The following RAP1GAP variants were observed in gnomAD, a reference collection of about 807,000 sequenced individuals.
RAP1GAP encodes RAP1 GTPase activating protein, also known as rap1 GTPase-activating protein 1.
RAP1GAP carries 35 observed loss-of-function variants against 87.2 expected under a neutral mutation model. That is an observed-to-expected ratio of 0.40 (90% CI 0.31 to 0.53). The LOEUF (loss-of-function observed/expected upper bound fraction) is 0.53. RAP1GAP is among the 20% of genes least tolerant of loss of function. The pLI is 0.48. For synonymous variants in RAP1GAP, 375 were observed against 363.9 expected (o/e 1.03, Z -0.35); for missense variants, 734 against 898.9 (o/e 0.82, Z 2.35).
Position 21,616,172 on chromosome 1 carries a change from CACACA to C in RAP1GAP, c.291+1129_291+1133del, listed in dbSNP as rs1558698308. Among the ~76,000 whole-genome samples, 7 of 74,438 alleles carry C rather than the reference CACACA, an allele frequency of 9.4e-5. 1 individual carries two copies. Among genetic ancestry groups the C allele is most frequent in the African/African-American group, 3.3e-4 (7 of 21,320 alleles). The allele number at this position is 74,438 out of a possible 152,430, so 48.8% of individuals were successfully genotyped here. A position where few individuals can be genotyped will look rare whatever the true frequency, so the allele number is the denominator to read the frequency against. ...ACACACACACACACACACACACACA[CACACA>C]CACACACACACACATACAATGACTA... is the stretch of plus-strand genomic sequence containing the variant. On this transcript the variant is annotated intron_variant, in intron 7 of 24. Transcript: ENST00000374765.
At chr1:21,631,460 T>C (rs1448849627) in intron 2 of RAP1GAP, among the ~76,000 whole-genome samples, 2 of 152,050 alleles carry the variant, frequency 1.3e-5, no homozygotes, top group African/African-American at 2.4e-5. Flanking sequence ...CTGAGGCGGG[T>C]GGATCGCCTG....
intron 1 of RAP1GAP, chr1:21,651,670 A>G: frequency 8.9e-7 from 1 of 1,117,848 alleles, no homozygotes; most frequent in East Asian, 2.8e-5. Flanking sequence ...CAGCAGTCAT[A>G]GCCCAGGCCC....
Position 21,602,932 on chromosome 1 carries a change from A to C in RAP1GAP, c.1429-19T>G. On this transcript the variant is annotated intron_variant, in intron 18 of 24. Coordinates refer to ENST00000374765, the MANE Select transcript of RAP1GAP (RefSeq NM_002885.4). ...TCAGTGACTGTGGGGAGAGGCCCCAACTCAGTGCCACCTTACCTGGGAGCC... is the reference window on the plus strand; with the variant it reads ...TCAGTGACTGTGGGGAGAGGCCCCACCTCAGTGCCACCTTACCTGGGAGCC... 2 of 1,573,302 alleles carry C rather than the reference A, an allele frequency of 1.3e-6. No individual in the cohort carries two copies. The highest frequency in any genetic ancestry group is 1.7e-6 in the Non-Finnish European group (2 of 1,151,010).
chr1:21,608,354 TGGGCCAGGCCCGGGCCGTCAGGA>T lies in RAP1GAP; in HGVS notation c.1159-27_1159-5del. The stretch of plus-strand genomic sequence containing the variant: ...GGAGGGCGGCCCGCGTCCGCTCCTG[TGGGCCAGGCCCGGGCCGTCAGGA>T]GGGACCCCAAGGATCAGCCCTTCGG... On this transcript the variant is annotated splice_polypyrimidine_tract_variant and splice_region_variant and intron_variant, in intron 16 of 24. Transcript: ENST00000374765. The T allele has an allele frequency of 6.2e-7, 1 of 1,612,256 alleles. No homozygotes were observed. Among genetic ancestry groups the T allele is most frequent in the Non-Finnish European group, 8.5e-7 (1 of 1,179,346 alleles).
At chr1:21,621,891 A>G (rs1383504695) in intron 3 of RAP1GAP, among the ~76,000 whole-genome samples, 1 of 152,194 alleles carries the variant, frequency 6.6e-6, no homozygotes, top group Non-Finnish European at 1.5e-5. Flanking sequence ...CAGAGTGTAC[A>G]CACAGCAACA....
intron 17 of RAP1GAP, among the ~76,000 whole-genome samples, chr1:21,606,457 C>T (rs562033293): frequency 7.9e-5 from 12 of 152,314 alleles, no homozygotes; most frequent in African/African-American, 2.6e-4. Flanking sequence ...ACCAACTTGC[C>T]GGGTGGCCTT....
chr1:21,612,190 G>T, intron 10 of RAP1GAP, 81 bp from the exon 11 acceptor site: 1 of 1,099,150 alleles, frequency 9.1e-7, no homozygotes, highest in Non-Finnish European at 1.3e-6. Context: ...CAAGCACTGA[G>T]CCAGGCGCTC....
intron 13 of RAP1GAP, among the ~76,000 whole-genome samples, chr1:21,610,937 C>T (rs1235784566): frequency 6.6e-6 from 1 of 152,224 alleles, no homozygotes; most frequent in African/African-American, 2.4e-5. Context: ...CTGTAGGAGG[C>T]TCAGGACAAG....
chr1:21,647,770 C>A (rs1212279879), intron 2 of RAP1GAP, among the ~76,000 whole-genome samples: 1 of 152,170 alleles, frequency 6.6e-6, no homozygotes, highest in Admixed American at 6.5e-5. Context: ...GCAGAGGAGG[C>A]ATTCTAAAGA....
intron 2 of RAP1GAP, among the ~76,000 whole-genome samples, chr1:21,639,787 A>C (rs919465082): frequency 1.3e-5 from 2 of 152,104 alleles, no homozygotes; most frequent in Non-Finnish European, 2.9e-5. Context: ...AGCGTCTGAC[A>C]CTTTTCCTGG....
At chr1:21,633,769 A>G (rs190429906) in intron 2 of RAP1GAP, among the ~76,000 whole-genome samples, 1 of 152,300 alleles carries the variant, frequency 6.6e-6, no homozygotes, top group Admixed American at 6.5e-5. Flanking sequence ...ACTGGTCATC[A>G]GAAGTCAGGA....
chr1:21,611,351 C>T (rs2078140207), intron 13 of RAP1GAP, 101 bp downstream of exon 13: 1 of 1,443,316 alleles, frequency 6.9e-7, no homozygotes, highest in African/African-American at 1.4e-5. Flanking sequence ...CCATCTCCAT[C>T]CCAGGGCCCA....
Position 21,652,284 on chromosome 1 carries a change from C to A in RAP1GAP, c.-148-2488G>T, listed in dbSNP as rs956883120. Reference sequence around the variant, plus strand: ...CGGGCATGTCCCGCCCCTCCCTGTCCCTCGACTTTCTCATCTGTAAAGTGG... The same window carrying A: ...CGGGCATGTCCCGCCCCTCCCTGTCACTCGACTTTCTCATCTGTAAAGTGG... On this transcript the variant is annotated intron_variant, in intron 1 of 24. Coordinates refer to ENST00000374765, the MANE Select transcript of RAP1GAP (RefSeq NM_002885.4). Among the ~76,000 whole-genome samples the A allele has an allele frequency of 2.6e-5, 4 of 152,326 alleles. No homozygotes were observed. In the East Asian group the frequency reaches 7.7e-4, roughly 29 times the overall value.
At chr1:21,636,196 T>A (rs1571104346) in intron 2 of RAP1GAP, among the ~76,000 whole-genome samples, 1 of 152,218 alleles carries the variant, frequency 6.6e-6, no homozygotes, top group African/African-American at 2.4e-5. Flanking sequence ...GTAGCGTCAG[T>A]GTGGGCTCTG....
chr1:21,637,150 T>C (rs1017702075), intron 2 of RAP1GAP, among the ~76,000 whole-genome samples: 8 of 148,892 alleles, frequency 5.4e-5, no homozygotes, highest in East Asian at 2.0e-4. Flanking sequence ...TTTTTCTTTT[T>C]TTTTTTTTTT....
chr1:21,645,948 G>A (rs969842156), intron 2 of RAP1GAP, among the ~76,000 whole-genome samples: 2 of 152,132 alleles, frequency 1.3e-5, no homozygotes, highest in South Asian at 2.1e-4. Context: ...CCAGGAGATC[G>A]AGGGCTAAAG....
intron 2 of RAP1GAP, among the ~76,000 whole-genome samples, chr1:21,646,218 G>A (rs1411871834): frequency 6.6e-6 from 1 of 152,218 alleles, no homozygotes; most frequent in Non-Finnish European, 1.5e-5. Flanking sequence ...CTGTCAAGAG[G>A]AAACATCTCA....
chr1:21,603,935 G>T lies in RAP1GAP; in HGVS notation c.1429-1022C>A. ...TGACTGGCAAGCAGCAGAGGGCGGG[G>T]GCAGAGAGAGAGAGACAGAGAGAGA... On this transcript the variant is annotated intron_variant, in intron 18 of 24. Coordinates refer to ENST00000374765, the MANE Select transcript of RAP1GAP (RefSeq NM_002885.4). The surrounding 1 kb of genome is among the most constrained non-coding windows in gnomAD (Gnocchi z 6.0). 6.7e-7 allele frequency: 1 copy of T among 1,494,874 alleles called. No homozygotes were observed. The highest frequency in any genetic ancestry group is 1.3e-5 in the South Asian group (1 of 77,290). The allele number at this position is 1,494,874 out of a possible 1,614,324, so 92.6% of individuals were successfully genotyped here. A position where few individuals can be genotyped will look rare whatever the true frequency, so the allele number is the denominator to read the frequency against.
rs766185467 is a variant in RAP1GAP, at chr1:21,597,918, G to A, written c.1983+43C>T. 6.4e-5 allele frequency: 98 copies of A among 1,534,290 alleles called. No individual in the cohort carries two copies. The Middle Eastern group carries it at 8.9e-4, about 14-fold the overall frequency. On this transcript the variant is annotated intron_variant, in intron 23 of 24. Transcript: ENST00000374765. The stretch of plus-strand genomic sequence containing the variant: ...CCTCCCCGCCAGCTCATCCCCTCCC[G>A]GGTGGGGCTCCCTCAGCACCAGCCC...
Sources: allele counts gnomAD v4.1 joint callset (sites outside exome capture counted in the v4.1 genomes callset), GRCh38; gene constraint gnomAD v4.1.1; non-coding constraint Gnocchi (gnomAD v3.1); transcripts MANE v1.5; gene names NCBI Gene and HGNC (gene_info 2026-07-23, HGNC 2026-07-21).